Variants in B4GALT5 observed in about 807,000 individuals in gnomAD.
The protein encoded by B4GALT5 is beta-1,4-galactosyltransferase 5.
A neutral mutation model predicts 45.0 loss-of-function variants in B4GALT5; 11 were observed. That is an observed-to-expected ratio of 0.24 (90% confidence interval 0.15 to 0.40). The LOEUF (loss-of-function observed/expected upper bound fraction) is 0.40. Among genes scored for constraint, B4GALT5 ranks in the 10% least tolerant of loss-of-function variants. B4GALT5 has a pLI of 1.00. For synonymous variants in B4GALT5, 185 were observed against 182.9 expected (o/e 1.01, Z -0.09); for missense variants, 337 against 500.2 (o/e 0.67, Z 3.11).
At chr20:49,653,826 T>C (rs186415853) in intron 2 of B4GALT5, among the ~76,000 whole-genome samples, 2 of 152,196 alleles carry the variant, frequency 1.3e-5, no homozygotes, top group Non-Finnish European at 2.9e-5. Flanking sequence ...TATGATAATT[T>C]GAGAATAAAA....
intron 1 of B4GALT5, among the ~76,000 whole-genome samples, chr20:49,699,998 C>CCGCTGCCCCCCACCCTTG (rs1555814600): frequency 6.6e-6 from 1 of 152,162 alleles, no homozygotes; most frequent in Non-Finnish European, 1.5e-5. Flanking sequence ...GACTATTCCT[C>CCGCTGCCCCCCACCCTTG]CGCTGCCCCC....
chr20:49,710,903 A>C (rs1414863057), intron 1 of B4GALT5, among the ~76,000 whole-genome samples: 2 of 152,018 alleles, frequency 1.3e-5, no homozygotes, highest in Non-Finnish European at 2.9e-5. Context: ...TCATAGTGAG[A>C]TCCTGTCTCT....
chr20:49,655,924 G>C lies in B4GALT5; in HGVS notation c.250+644C>G, dbSNP rs1320426553. On this transcript the variant is annotated intron_variant, in intron 2 of 8. Coordinates refer to ENST00000371711, the MANE Select transcript of B4GALT5 (RefSeq NM_004776.4). Reference sequence around the variant, plus strand: ...GCCTGGATGACAGGAGCAAAACTCCGTCTCAAAAAAAAAAAAAAAAAAGAA... The same window carrying C: ...GCCTGGATGACAGGAGCAAAACTCCCTCTCAAAAAAAAAAAAAAAAAAGAA... Among the ~76,000 whole-genome samples, 13 of 77,322 alleles carry C rather than the reference G, an allele frequency of 1.7e-4. No homozygotes were observed. The East Asian group carries it at 3.5e-3, about 21-fold the overall frequency. 50.7% of individuals were successfully genotyped at this position (77,322 alleles called of 152,430 possible).
intron 2 of B4GALT5, among the ~76,000 whole-genome samples, chr20:49,650,201 TC>T (rs1244021138): frequency 2.0e-5 from 3 of 152,158 alleles, no homozygotes; most frequent in African/African-American, 7.2e-5. Flanking sequence ...CATTTATTTT[TC>T]TTCTGATTAC....
intron 4 of B4GALT5, 42 bp downstream of exon 4, chr20:49,643,484 A>T: frequency 6.2e-7 from 1 of 1,609,670 alleles, no homozygotes; most frequent in African/African-American, 1.3e-5. Context: ...GGCAAACCCC[A>T]GGTGGGCTTC....
intron 1 of B4GALT5, among the ~76,000 whole-genome samples, chr20:49,685,585 T>C (rs1362221302): frequency 6.6e-6 from 1 of 152,154 alleles, no homozygotes; most frequent in Non-Finnish European, 1.5e-5. Flanking sequence ...CAATCATTTG[T>C]CCCATTTCCT....
intron 1 of B4GALT5, among the ~76,000 whole-genome samples, chr20:49,705,352 T>A (rs1309610254): frequency 6.6e-6 from 1 of 152,156 alleles, no homozygotes; most frequent in Non-Finnish European, 1.5e-5. Flanking sequence ...ATCCCAAAGA[T>A]ATTTCCAAAA....
chr20:49,674,556 T>C (rs1157077862), intron 1 of B4GALT5, among the ~76,000 whole-genome samples: 1 of 151,792 alleles, frequency 6.6e-6, no homozygotes, highest in Non-Finnish European at 1.5e-5. Flanking sequence ...CAAATGTTAC[T>C]GAATAAGCCA....
intron 1 of B4GALT5, among the ~76,000 whole-genome samples, chr20:49,696,905 AATG>A (rs915842293): frequency 8.5e-5 from 13 of 152,232 alleles, no homozygotes; most frequent in Admixed American, 3.9e-4. Flanking sequence ...CAAAATTCAC[AATG>A]AAGAGTCGGT....
intron 1 of B4GALT5, among the ~76,000 whole-genome samples, chr20:49,676,017 T>C (rs1308546017): frequency 6.6e-6 from 1 of 152,108 alleles, no homozygotes; most frequent in South Asian, 2.1e-4. Flanking sequence ...TTAGAGTTTT[T>C]ATTATTGCAT....
intron 1 of B4GALT5, among the ~76,000 whole-genome samples, chr20:49,662,171 C>T (rs943879182): frequency 1.3e-5 from 2 of 152,114 alleles, no homozygotes; most frequent in Non-Finnish European, 2.9e-5. Flanking sequence ...CTGTGGTTGG[C>T]TTGGTAAGCT....
At chr20:49,669,494 C>T (rs1489637005) in intron 1 of B4GALT5, among the ~76,000 whole-genome samples, 2 of 151,946 alleles carry the variant, frequency 1.3e-5, no homozygotes, top group Non-Finnish European at 2.9e-5. Context: ...GTCAGGAGTT[C>T]GCAACCAACC....
intron 3 of B4GALT5, 151 bp from the exon 4 acceptor site, chr20:49,643,801 C>T (rs906732057): frequency 4.0e-6 from 3 of 746,326 alleles, no homozygotes; most frequent in South Asian, 2.5e-5. Context: ...TCCATCTCAC[C>T]GTATTTCAGT....
intron 2 of B4GALT5, among the ~76,000 whole-genome samples, chr20:49,647,942 C>T (rs564005630): frequency 4.6e-4 from 70 of 152,218 alleles, no homozygotes; most frequent in South Asian, 2.1e-3. Flanking sequence ...AGTCCTCTGT[C>T]TCATCTTTTC....
chr20:49,672,756 G>C (rs1481438898), intron 1 of B4GALT5, among the ~76,000 whole-genome samples: 1 of 152,138 alleles, frequency 6.6e-6, no homozygotes, highest in Non-Finnish European at 1.5e-5. Flanking sequence ...CAAGCCCTTT[G>C]AGAAGCCAAG....
At position 49,664,965 on chromosome 20, in the gene B4GALT5, AT is replaced by A. The variant is rs555718701; in HGVS notation, c.116-8264del. 9.8e-5 allele frequency among the ~76,000 whole-genome samples: 15 copies of A among 152,290 alleles called. 1 individual carries two copies. In the East Asian group the frequency reaches 2.7e-3, roughly 27 times the overall value. On this transcript the variant is annotated intron_variant, in intron 1 of 8. Coordinates refer to ENST00000371711, the MANE Select transcript of B4GALT5 (RefSeq NM_004776.4). Reference sequence around the variant, plus strand: ...TTCTCAATGTCTCTACAGATTTGCAATTTTTTTCCAAAAGAAAAATAAAAGG... The same window carrying A: ...TTCTCAATGTCTCTACAGATTTGCAATTTTTTCCAAAAGAAAAATAAAAGG...
At chr20:49,672,130 C>A (rs2085718652) in intron 1 of B4GALT5, among the ~76,000 whole-genome samples, 1 of 152,188 alleles carries the variant, frequency 6.6e-6, no homozygotes, top group Admixed American at 6.5e-5. Flanking sequence ...GTTCTTTGGT[C>A]TCCCTCCTGA....
chr20:49,648,116 T>C (rs921551457), intron 2 of B4GALT5, among the ~76,000 whole-genome samples: 2 of 152,250 alleles, frequency 1.3e-5, no homozygotes, highest in Non-Finnish European at 2.9e-5. Context: ...GTTTCATGTT[T>C]GCAGTCATTT....
At chr20:49,687,796 T>A (rs867253568) in intron 1 of B4GALT5, among the ~76,000 whole-genome samples, 1 of 152,086 alleles carries the variant, frequency 6.6e-6, no homozygotes, top group Non-Finnish European at 1.5e-5. Context: ...TTGCATAAAG[T>A]AGCCTCTGCT....
Sources: allele counts gnomAD v4.1 joint callset (sites outside exome capture counted in the v4.1 genomes callset), GRCh38; gene constraint gnomAD v4.1.1; transcripts MANE v1.5; gene names NCBI Gene and HGNC (gene_info 2026-07-23, HGNC 2026-07-21).